Variants in COMMD10 observed in about 807,000 individuals in gnomAD.
The protein encoded by COMMD10 is COMM domain containing 10.
COMMD10 carries 33 observed loss-of-function variants against 28.9 expected under a neutral mutation model. That is an observed-to-expected ratio of 1.14 (90% CI 0.87 to 1.53). The LOEUF (loss-of-function observed/expected upper bound fraction) is 1.53. Ranked by LOEUF, COMMD10 falls within the 40% of genes most tolerant of loss-of-function variation. COMMD10 has a pLI of 0.00. For missense variants in COMMD10, 310 were observed against 233.4 expected, an observed-to-expected ratio of 1.33 and a Z score of -2.14; for synonymous variants, 110 against 81.7, an observed-to-expected ratio of 1.35 and a Z score of -1.87.
At position 116,269,595 on chromosome 5, in the gene COMMD10, A is replaced by G. The variant is rs370924495; in HGVS notation, c.511-21922A>G. On this transcript the variant is annotated intron_variant, in intron 5 of 6. Coordinates refer to ENST00000274458, the MANE Select transcript of COMMD10 (RefSeq NM_016144.4). ...CTTTTTATTACATTTATAAAATTAT[A>G]TGTTTTAAATTGTATGGTTTTCCCT... is the stretch of plus-strand genomic sequence containing the variant. Among the ~76,000 whole-genome samples, 29 of 151,932 alleles carry G rather than the reference A, an allele frequency of 1.9e-4. No homozygotes were observed. In the East Asian group the frequency reaches 5.4e-3, roughly 28 times the overall value.
chr5:116,261,130 T>C (rs1750432539), intron 5 of COMMD10, among the ~76,000 whole-genome samples: 1 of 151,690 alleles, frequency 6.6e-6, no homozygotes, highest in East Asian at 1.9e-4. Context: ...CAAAACTGAG[T>C]AAAAACATAT....
intron 4 of COMMD10, among the ~76,000 whole-genome samples, chr5:116,110,076 A>G (rs1229627147): frequency 1.3e-5 from 2 of 152,192 alleles, no homozygotes; most frequent in Non-Finnish European, 2.9e-5. Flanking sequence ...AGTTTGTATC[A>G]TGAAGGGGTA....
intron 5 of COMMD10, among the ~76,000 whole-genome samples, chr5:116,235,849 T>A (rs1241975552): frequency 6.6e-6 from 1 of 152,158 alleles, no homozygotes; most frequent in Non-Finnish European, 1.5e-5. Flanking sequence ...TTTTATTCAT[T>A]CAGTTCGCTT....
At chr5:116,269,683 CT>C (rs1750702968) in intron 5 of COMMD10, among the ~76,000 whole-genome samples, 1 of 151,818 alleles carries the variant, frequency 6.6e-6, no homozygotes, top group Middle Eastern at 3.4e-3. Context: ...TTAAGTTTCC[CT>C]TTCCCCTCAA....
chr5:116,267,011 G>A (rs967551267), intron 5 of COMMD10, among the ~76,000 whole-genome samples: 1 of 151,840 alleles, frequency 6.6e-6, no homozygotes, highest in Non-Finnish European at 1.5e-5. Context: ...ACAAAAACTG[G>A]AAGCATTCCC....
intron 5 of COMMD10, among the ~76,000 whole-genome samples, chr5:116,279,062 A>T (rs968011705): frequency 6.6e-6 from 1 of 151,808 alleles, no homozygotes; most frequent in African/African-American, 2.4e-5. Context: ...TCACTGGTGT[A>T]TGCATGTATG....
intron 4 of COMMD10, among the ~76,000 whole-genome samples, chr5:116,130,922 A>G (rs1751843510): frequency 6.6e-6 from 1 of 152,062 alleles, no homozygotes; most frequent in Non-Finnish European, 1.5e-5. Flanking sequence ...TTTTAAAATC[A>G]AAATACTTGA....
intron 5 of COMMD10, among the ~76,000 whole-genome samples, chr5:116,159,703 A>G (rs532744165): frequency 2.6e-5 from 4 of 152,308 alleles, no homozygotes; most frequent in African/African-American, 9.6e-5. Context: ...GAGTGCAGAG[A>G]TGCATGGGGT....
intron 4 of COMMD10, among the ~76,000 whole-genome samples, chr5:116,103,784 A>G (rs539967431): frequency 6.6e-6 from 1 of 151,744 alleles, no homozygotes; most frequent in African/African-American, 2.4e-5. Flanking sequence ...TAGGGTTTTT[A>G]TGATTTTTAA....
At position 116,260,942 on chromosome 5, in the gene COMMD10, G is replaced by A. The variant is rs111871853; in HGVS notation, c.511-30575G>A. Among the ~76,000 whole-genome samples the A allele has an allele frequency of 2.1e-3, 318 of 151,794 alleles. 4 individuals carry two copies. Among genetic ancestry groups the A allele is most frequent in the African/African-American group, 7.3e-3 (300 of 41,244 alleles). On this transcript the variant is annotated intron_variant, in intron 5 of 6. Transcript: ENST00000274458. ...AGTTGTGAAGCAACATGTTCTCTTT[G>A]TGAATGTTGAAAATTACTAACAGAT...
Position 116,268,577 on chromosome 5 carries a change from T to G in COMMD10, c.511-22940T>G, listed in dbSNP as rs1018883905. 1.4e-4 allele frequency among the ~76,000 whole-genome samples: 22 copies of G among 151,958 alleles called. 2 individuals are homozygous for G. The highest frequency in any genetic ancestry group is 5.1e-4 in the African/African-American group (21 of 41,254). On this transcript the variant is annotated intron_variant, in intron 5 of 6. Coordinates refer to ENST00000274458, the MANE Select transcript of COMMD10 (RefSeq NM_016144.4). ...AAGGATCTAGAACTAGAAATACCATTTGACCCAGCCATCCCATTACTGGGT... is the reference window on the plus strand; with the variant it reads ...AAGGATCTAGAACTAGAAATACCATGTGACCCAGCCATCCCATTACTGGGT...
intron 5 of COMMD10, among the ~76,000 whole-genome samples, chr5:116,201,754 T>C (rs1033255529): frequency 6.6e-6 from 1 of 152,076 alleles, no homozygotes; most frequent in East Asian, 1.9e-4. Context: ...AATAAGAAGT[T>C]GTCGTTGGGT....
At chr5:116,173,674 T>A (rs1753409165) in intron 5 of COMMD10, among the ~76,000 whole-genome samples, 1 of 152,150 alleles carries the variant, frequency 6.6e-6, no homozygotes, top group Non-Finnish European at 1.5e-5. Flanking sequence ...GTTCTATGTC[T>A]TCAGTAGAGA....
chr5:116,194,301 A>G (rs931836280), intron 5 of COMMD10, among the ~76,000 whole-genome samples: 1 of 152,178 alleles, frequency 6.6e-6, no homozygotes, highest in African/African-American at 2.4e-5. Flanking sequence ...ACCCAGCAAA[A>G]GAAAGGAAAT....
chr5:116,166,331 A>AGT (rs1753097734), intron 5 of COMMD10, among the ~76,000 whole-genome samples: 1 of 152,224 alleles, frequency 6.6e-6, no homozygotes, highest in Non-Finnish European at 1.5e-5. Context: ...TAAGACTCTA[A>AGT]GTAGCCAGAC....
At chr5:116,187,575 T>A (rs2112606135) in intron 5 of COMMD10, among the ~76,000 whole-genome samples, 1 of 152,238 alleles carries the variant, frequency 6.6e-6, no homozygotes, top group Non-Finnish European at 1.5e-5. Context: ...GTAGGTTAAA[T>A]GATCTCTACA....
At chr5:116,089,109 C>A (rs933325679) in intron 2 of COMMD10, among the ~76,000 whole-genome samples, 1 of 152,208 alleles carries the variant, frequency 6.6e-6, no homozygotes, top group Non-Finnish European at 1.5e-5. Context: ...ATAGCGGCAA[C>A]ATTCTGTGGT....
intron 5 of COMMD10, among the ~76,000 whole-genome samples, chr5:116,198,962 G>C (rs951901719): frequency 1.3e-5 from 2 of 152,034 alleles, no homozygotes; most frequent in Non-Finnish European, 2.9e-5. Flanking sequence ...CAACTCCTTT[G>C]GATAAATACC....
At chr5:116,145,177 A>G (rs1752306787) in intron 5 of COMMD10, among the ~76,000 whole-genome samples, 1 of 151,794 alleles carries the variant, frequency 6.6e-6, no homozygotes, top group African/African-American at 2.4e-5. Context: ...ACAGAGGACA[A>G]AGTGTGAAAT....
Sources: allele counts gnomAD v4.1 joint callset (sites outside exome capture counted in the v4.1 genomes callset), GRCh38; gene constraint gnomAD v4.1.1; transcripts MANE v1.5; gene names NCBI Gene and HGNC (gene_info 2026-07-23, HGNC 2026-07-21).